CACTIN: variants seen among roughly 807,000 people sequenced by gnomAD.
The protein encoded by CACTIN is cactin, spliceosome C complex subunit.
In CACTIN, 20 loss-of-function variants were observed where a neutral mutation model predicts 84.9. That is an observed-to-expected ratio of 0.24 (90% CI 0.17 to 0.34). The LOEUF is 0.34. Ranked by LOEUF, CACTIN falls within the 10% of genes least tolerant of loss-of-function variation. CACTIN has a pLI of 1.00. For missense variants in CACTIN, 897 were observed against 1,117.2 expected (o/e 0.80, Z 2.81); for synonymous variants, 549 against 467.9 (o/e 1.17, Z -2.24).
Position 3,613,332 on chromosome 19 carries a change from G to C in CACTIN, c.1512C>G (p.Pro504=), listed in dbSNP as rs907008950. The C allele has an allele frequency of 1.5e-5, 23 of 1,518,776 alleles. No homozygotes were observed. The highest frequency in any genetic ancestry group is 1.9e-5 in the Non-Finnish European group (22 of 1,139,792). The allele number at this position is 1,518,776 out of a possible 1,614,324, so 94.1% of individuals were successfully genotyped here. Residue 504 remains proline (P), a synonymous_variant, in exon 9 of 10, where the codon CCC becomes CCG. Coordinates refer to ENST00000429344, the MANE Select transcript of CACTIN (RefSeq NM_001080543.2). ...LEPEDAAPTP[P]GPSSEGGPAE... ...CGGGGCCGCCCTCCGAGGAGGGCCCGGGCGGGGTGGGCGCCGCGTCCTCAG... is the reference window on the plus strand; with the variant it reads ...CGGGGCCGCCCTCCGAGGAGGGCCCCGGCGGGGTGGGCGCCGCGTCCTCAG...
chr19:3,611,043 C>T lies in CACTIN; in HGVS notation c.*880G>A. On this transcript the variant is annotated 3_prime_UTR_variant, in exon 10 of 10. Transcript: ENST00000429344. The stretch of plus-strand genomic sequence containing the variant: ...ACTCGGGGTCACTGGTCTCATGCTC[C>T]AAGGCCCCGTGAGCAGGCCAGGTGG... The T allele has an allele frequency of 2.3e-6, 1 of 435,856 alleles. No homozygotes were observed. Among genetic ancestry groups the T allele is most frequent in the South Asian group, 1.6e-5 (1 of 61,938 alleles). The allele number at this position is 435,856 out of a possible 1,614,324, so 27.0% of individuals were successfully genotyped here.
In CACTIN at chr19:3,614,584, G is replaced by A. The variant is rs760891337; in HGVS notation, c.1168C>T (p.Arg390Cys). 8.1e-6 allele frequency: 13 copies of A among 1,599,992 alleles called. No homozygotes were observed. The East Asian group carries it at 9.0e-5, about 11-fold the overall frequency. Residue 390 changes from arginine (R) to cysteine (C), a missense_variant, in exon 7 of 10, where the codon CGC (arginine) becomes TGC (cysteine). By Grantham distance (180) the Arg-to-Cys change is radical. Transcript: ENST00000429344. ...ACGGAGGCGTTGACCCCCTCGCGGC[G>A]CTCACCTGCAGCGGGGTGGGGGCAT... ...LEASGKGPGE[R>C]REGVNASVSS...
At position 3,611,742 on chromosome 19, in the gene CACTIN, A is replaced by G. The variant is rs1430932448; in HGVS notation, c.*181T>C. On this transcript the variant is annotated 3_prime_UTR_variant, in exon 10 of 10. Transcript: ENST00000429344. Reference sequence around the variant, plus strand: ...CTCCTCAGCTCACCATGGCAGGCTCAATGGTGACCCCCCTTTTATATAGGA... The same window carrying G: ...CTCCTCAGCTCACCATGGCAGGCTCGATGGTGACCCCCCTTTTATATAGGA... 1.7e-5 allele frequency: 14 copies of G among 803,426 alleles called. No individual in the cohort carries two copies. Among genetic ancestry groups the G allele is most frequent in the Non-Finnish European group, 2.9e-5 (14 of 486,746 alleles). The allele number at this position is 803,426 out of a possible 1,614,324, so 49.8% of individuals were successfully genotyped here. A position where few individuals can be genotyped will look rare whatever the true frequency, so the allele number is the denominator to read the frequency against.
Position 3,613,556 on chromosome 19 carries a change from C to T in CACTIN, c.1386G>A (p.Arg462=), listed in dbSNP as rs767332158. 1.0e-4 allele frequency: 165 copies of T among 1,602,168 alleles called. 1 individual carries two copies. In the South Asian group the frequency reaches 1.8e-3, roughly 17 times the overall value. Residue 462 remains arginine, a synonymous_variant, in exon 8 of 10, where the codon CGG becomes CGA. Transcript: ENST00000429344. ...CCTGCTTCAGTTTGTACAGCTTCTG[C>T]CGCAGCACGTCCTGGTGGCGCTCAC... ...RLRERHQDVL[R]QKLYKLKQEQ... is the part of the protein sequence containing the mutation.
At position 3,623,917 on chromosome 19, in the gene CACTIN, TGCTGCTGGCTCA is replaced by T. The variant is rs1320800751; in HGVS notation, c.401_412del (p.Leu134_Gln137del). On this transcript the variant is annotated inframe_deletion, in exon 2 of 10. Transcript: ENST00000429344. ...CAGCCGCAGCCGCTCCTGCAGGCTC[TGCTGCTGGCTCA>T]GGGCAGCCGCGGCCGCCCGGGGGCT... The T allele has an allele frequency of 6.2e-7, 1 of 1,606,190 alleles. No individual in the cohort carries two copies.
intron 6 of CACTIN, chr19:3,614,914 G>A (rs2033071332): frequency 4.8e-6 from 2 of 419,950 alleles, no homozygotes; most frequent in South Asian, 2.2e-5. Flanking sequence ...GTGGGTCTGG[G>A]AACCCTAGTT....
chr19:3,625,527 C>G (rs535768883), intron 1 of CACTIN, among the ~76,000 whole-genome samples: 13 of 152,292 alleles, frequency 8.5e-5, no homozygotes, highest in African/African-American at 2.9e-4. Context: ...GCCAGGAGTT[C>G]AAGACCTGCC....
In CACTIN at chr19:3,620,785, C is replaced by T. The variant is rs1012134926; in HGVS notation, c.660G>A (p.Gly220=). 4.3e-6 allele frequency: 7 copies of T among 1,613,254 alleles called. No individual in the cohort carries two copies. Among genetic ancestry groups the T allele is most frequent in the Non-Finnish European group, 5.1e-6 (6 of 1,179,922 alleles). Residue 220 remains glycine (G), a synonymous_variant, in exon 3 of 10, where the codon GGG becomes GGA. Coordinates refer to ENST00000429344, the MANE Select transcript of CACTIN (RefSeq NM_001080543.2). ...FIWNKALEKK[G]ISHLEEKELK... is the part of the protein sequence containing the mutation. Reference sequence around the variant, plus strand: ...GCTCCTTCTCCTCCAGGTGGCTGATCCCCTTCTTCTCCAGGGCCTGGAAGC... The same window carrying T: ...GCTCCTTCTCCTCCAGGTGGCTGATTCCCTTCTTCTCCAGGGCCTGGAAGC...
At position 3,626,664 on chromosome 19, in the gene CACTIN, C is replaced by G. The variant is rs1377682139; in HGVS notation, c.99G>C (p.Gly33=). 6.5e-7 allele frequency: 1 copy of G among 1,535,038 alleles called. No individual in the cohort carries two copies. Among genetic ancestry groups the G allele is most frequent in the Admixed American group, 1.9e-5 (1 of 53,374 alleles). ...SGSRSRSRSH[G]RRNRRRREDE... is the part of the protein sequence containing the mutation. ...CCTCCCGGCGCCGTCGGTTTCGCCGCCCATGGCTCCTGCTCCGACTTCGGC... is the reference window on the plus strand; with the variant it reads ...CCTCCCGGCGCCGTCGGTTTCGCCGGCCATGGCTCCTGCTCCGACTTCGGC... Residue 33 remains glycine, a synonymous_variant, in exon 1 of 10, where the codon GGG becomes GGC. Transcript: ENST00000429344.
intron 1 of CACTIN, 126 bp downstream of exon 1, chr19:3,626,470 C>T (rs1446773284): frequency 1.9e-6 from 2 of 1,058,592 alleles, no homozygotes; most frequent in Admixed American, 4.1e-5. Flanking sequence ...GTCAATTGTC[C>T]CCTTCTCTAG....
In CACTIN at chr19:3,614,386, C is replaced by T. The variant is rs751971152; in HGVS notation, c.1355+11G>A. 1.9e-6 allele frequency: 3 copies of T among 1,562,444 alleles called. No individual in the cohort carries two copies. The highest frequency in any genetic ancestry group is 1.2e-5 in the South Asian group (1 of 85,098). Reference sequence around the variant, plus strand: ...ACGGCACCAACCCTGGTACCCGCACCTAGTGCTCACCGGGCCCGTGCCATG... The same window carrying T: ...ACGGCACCAACCCTGGTACCCGCACTTAGTGCTCACCGGGCCCGTGCCATG... On this transcript the variant is annotated intron_variant, in intron 7 of 9. Transcript: ENST00000429344.
At position 3,611,827 on chromosome 19, in the gene CACTIN, C is replaced by T. The variant is rs1240787042; in HGVS notation, c.*96G>A. 1.3e-6 allele frequency: 2 copies of T among 1,494,608 alleles called. No individual in the cohort carries two copies. The highest frequency in any genetic ancestry group is 2.4e-5 in the East Asian group (1 of 41,328). 92.6% of individuals were successfully genotyped at this position (1,494,608 alleles called of 1,614,324 possible). ...TGAGGTGGGACGTGAACCCGCGGCCCTGCAGCCCAGACAGCGGCCCCGGAG... is the reference window on the plus strand; with the variant it reads ...TGAGGTGGGACGTGAACCCGCGGCCTTGCAGCCCAGACAGCGGCCCCGGAG... On this transcript the variant is annotated 3_prime_UTR_variant, in exon 10 of 10. Transcript: ENST00000429344.
rs757471753 is a variant in CACTIN at position 3,612,214 on chromosome 19, G to A, written c.1986C>T (p.His662=). The A allele has an allele frequency of 6.2e-7, 1 of 1,613,392 alleles. No individual in the cohort carries two copies. The highest frequency in any genetic ancestry group is 2.2e-5 in the East Asian group (1 of 44,882). Residue 662 remains histidine (H), a synonymous_variant, in exon 10 of 10, where the codon CAC becomes CAT. Transcript: ENST00000429344. ...TGGGCGGTGGGTTGTCAAAGTCGTA[G>A]TGCGTCTGGTTGTACTTGTTCCACT... ...GFEWNKYNQT[H]YDFDNPPPKI...
At chr19:3,612,721 A>C in intron 9 of CACTIN, 1 of 695,108 alleles carries the variant, frequency 1.4e-6, no homozygotes, top group Non-Finnish European at 2.6e-6. Flanking sequence ...AGCCCCACGC[A>C]TGACCCCCGA....
At chr19:3,619,835 G>C (rs2033185289) in intron 4 of CACTIN, among the ~76,000 whole-genome samples, 2 of 152,126 alleles carry the variant, frequency 1.3e-5, no homozygotes, top group African/African-American at 4.8e-5. Flanking sequence ...AGGCGGATGG[G>C]GGTGCCACCC....
In CACTIN at chr19:3,619,136, T is replaced by C; in HGVS notation, c.991A>G (p.Thr331Ala). ...GCCACGGTGAGGCCGTTGAGGAACG[T>C]GTAGGGCTCATGCATCTCCACGGCC... ...DLAVEMHEPY[T>A]FLNGLTVADM... Residue 331 changes from threonine to alanine, a missense_variant, in exon 5 of 10, where the codon ACG (threonine) becomes GCG (alanine). Thr to Ala is a moderately conservative substitution (Grantham distance 58). This residue lies in a region of CACTIN where 304 missense variants were observed against 444.3 expected (regional missense o/e 0.68). Transcript: ENST00000429344. 1 of 1,603,094 alleles carries C rather than the reference T, an allele frequency of 6.2e-7. No individual in the cohort carries two copies. Among genetic ancestry groups the C allele is most frequent in the Non-Finnish European group, 8.5e-7 (1 of 1,175,364 alleles).
In CACTIN at chr19:3,611,797, C is replaced by G. The variant is rs187722353; in HGVS notation, c.*126G>C. 2 of 1,191,346 alleles carry G rather than the reference C, an allele frequency of 1.7e-6. No individual in the cohort carries two copies. The highest frequency in any genetic ancestry group is 2.4e-6 in the Non-Finnish European group (2 of 832,140). The allele number at this position is 1,191,346 out of a possible 1,614,324, so 73.8% of individuals were successfully genotyped here. ...ACTGAGGCCTGGCGAAAGAAAGATG[C>G]GGCCTGAGGTGGGACGTGAACCCGC... On this transcript the variant is annotated 3_prime_UTR_variant, in exon 10 of 10. Transcript: ENST00000429344.
At chr19:3,623,524 G>T (rs1356962341) in intron 2 of CACTIN, among the ~76,000 whole-genome samples, 164 bp downstream of exon 2, 1 of 152,228 alleles carries the variant, frequency 6.6e-6, no homozygotes, top group Non-Finnish European at 1.5e-5. Flanking sequence ...GCGAGACCCT[G>T]TGTCAAAAAA....
intron 9 of CACTIN, 132 bp from the exon 10 acceptor site, chr19:3,612,545 A>G (rs1259592814): frequency 7.5e-7 from 1 of 1,330,560 alleles, no homozygotes; most frequent in East Asian, 2.5e-5. Context: ...GCTAAGGCAC[A>G]TGGGGAGGGG....
Sources: gnomAD v4.1 joint callset for allele counts (sites outside exome capture counted in the v4.1 genomes callset) on GRCh38, gnomAD v4.1.1 for gene constraint, gnomAD v4.1.1 regional missense constraint, MANE v1.5 for transcripts, NCBI Gene and HGNC (gene_info 2026-07-23, HGNC 2026-07-21) for gene names.